WNT6: variants seen among roughly 807,000 people sequenced by gnomAD.
The protein encoded by WNT6 is Wnt family member 6.
WNT6 carries 27 observed loss-of-function variants against 33.1 expected under a neutral mutation model. The ratio of observed to expected loss-of-function variants is 0.82; its 90% CI spans 0.60 to 1.12. The LOEUF is 1.12. Among genes scored for constraint, WNT6 ranks in the 50% most tolerant of loss-of-function variants. WNT6 has a pLI of 0.00. For synonymous variants in WNT6, 249 were observed against 242.8 expected (o/e 1.03, Z -0.24); for missense variants, 494 against 535.3 (o/e 0.92, Z 0.76).
chr2:218,864,263 C>T (rs1944334606), intron 1 of WNT6, among the ~76,000 whole-genome samples: 1 of 151,852 alleles, frequency 6.6e-6, no homozygotes, highest in Non-Finnish European at 1.5e-5. Context: ...CTTTTCTTTT[C>T]TTTTTTTCCT....
rs769884850 is a variant in WNT6 at position 218,871,522 on chromosome 2, G to A, written c.339G>A (p.Ala113=). The A allele has an allele frequency of 1.3e-6, 2 of 1,597,388 alleles. No individual in the cohort carries two copies. The highest frequency in any genetic ancestry group is 1.3e-5 in the African/African-American group (1 of 74,852). ...RETAFVFAIT[A]AGASHAVTQA... The stretch of plus-strand genomic sequence containing the variant: ...CGGCCTTCGTGTTCGCCATCACTGC[G>A]GCCGGCGCCAGCCACGCCGTCACGC... Residue 113 remains alanine (A), a synonymous_variant, in exon 3 of 4, where the codon GCG becomes GCA. Transcript: ENST00000233948. The surrounding 1 kb of genome is among the most constrained non-coding windows in gnomAD (Gnocchi z 6.4).
intron 1 of WNT6, among the ~76,000 whole-genome samples, chr2:218,865,408 C>T (rs1944346510): frequency 2.0e-5 from 3 of 152,248 alleles, no homozygotes; most frequent in Admixed American, 2.0e-4. Context: ...GAGGCTTCTC[C>T]ACCTTGGCCT....
At chr2:218,865,604 G>C (rs1432986445) in intron 1 of WNT6, among the ~76,000 whole-genome samples, 1 of 152,202 alleles carries the variant, frequency 6.6e-6, no homozygotes, top group African/African-American at 2.4e-5. Context: ...GCCAGACTGA[G>C]AGTCCACCTC....
At chr2:218,861,904 C>T (rs982881753) in intron 1 of WNT6, among the ~76,000 whole-genome samples, 7 of 152,222 alleles carry the variant, frequency 4.6e-5, no homozygotes, top group Non-Finnish European at 8.8e-5. Flanking sequence ...TCTCTCTTCC[C>T]TGCTCCTGGA....
At position 218,871,510 on chromosome 2, in the gene WNT6, C is replaced by T. The variant is rs148293681; in HGVS notation, c.327C>T (p.Phe109=). ...QQDIRETAFV[F]AITAAGASHA... The stretch of plus-strand genomic sequence containing the variant: ...ACATTCGGGAGACGGCCTTCGTGTT[C>T]GCCATCACTGCGGCCGGCGCCAGCC... Residue 109 remains phenylalanine, a synonymous_variant, in exon 3 of 4, where the codon TTC becomes TTT. Transcript: ENST00000233948. The surrounding 1 kb of genome is among the most constrained non-coding windows in gnomAD (Gnocchi z 6.4). 113 of 1,597,762 alleles carry T rather than the reference C, an allele frequency of 7.1e-5. No individual in the cohort carries two copies. Among genetic ancestry groups the T allele is most frequent in the East Asian group, 5.8e-4 (26 of 44,794 alleles).
intron 1 of WNT6, among the ~76,000 whole-genome samples, chr2:218,865,119 C>A (rs888455664): frequency 1.3e-5 from 2 of 152,200 alleles, no homozygotes; most frequent in Non-Finnish European, 2.9e-5. Flanking sequence ...CATCAGAAGC[C>A]AGGAGTTGGT....
chr2:218,870,311 A>G (rs1944389705), intron 1 of WNT6, among the ~76,000 whole-genome samples: 1 of 151,978 alleles, frequency 6.6e-6, no homozygotes, highest in African/African-American at 2.4e-5. Flanking sequence ...TGCTTCAGAG[A>G]CCTGGCCCCC....
At chr2:218,866,515 G>A (rs1251605022) in intron 1 of WNT6, among the ~76,000 whole-genome samples, 2 of 152,174 alleles carry the variant, frequency 1.3e-5, no homozygotes, top group East Asian at 3.8e-4. Flanking sequence ...GTCCTGAACT[G>A]GGCAGGCTCA....
chr2:218,866,784 G>A (rs753995489), intron 1 of WNT6, among the ~76,000 whole-genome samples: 7 of 152,340 alleles, frequency 4.6e-5, no homozygotes, highest in Non-Finnish European at 7.3e-5. Flanking sequence ...ACTCAAGTCT[G>A]GTGGATCCCA....
rs1389072415 is a variant in WNT6, at chr2:218,873,078, C to G, written c.637-306C>G. Among the ~76,000 whole-genome samples the G allele has an allele frequency of 6.6e-6, 1 of 152,108 alleles. No homozygotes were observed. The highest frequency in any genetic ancestry group is 2.4e-5 in the African/African-American group (1 of 41,398). On this transcript the variant is annotated intron_variant, in intron 3 of 3. Transcript: ENST00000233948. This position sits in a 1 kb window ranked among gnomAD's most constrained non-coding sequence, Gnocchi z 6.1. ...CCCCTCCTCCAAAGAGAATCTCACC[C>G]CTGCTGTCCATTCTGCTTTCTCCCC... is the stretch of plus-strand genomic sequence containing the variant.
rs2106003995 is a variant in WNT6 at position 218,867,564 on chromosome 2, A to G, written c.81-3463A>G. ...CATTGCCTTGTCCCTTCTTGTCCGCATACTGATTTCTTTTAGGGCTAGCCT... is the reference window on the plus strand; with the variant it reads ...CATTGCCTTGTCCCTTCTTGTCCGCGTACTGATTTCTTTTAGGGCTAGCCT... On this transcript the variant is annotated intron_variant, in intron 1 of 3. Transcript: ENST00000233948. The surrounding 1 kb of genome is among the most constrained non-coding windows in gnomAD (Gnocchi z 4.9). 6.6e-6 allele frequency among the ~76,000 whole-genome samples: 1 copy of G among 152,288 alleles called. No homozygotes were observed. Among genetic ancestry groups the G allele is most frequent in the East Asian group, 1.9e-4 (1 of 5,178 alleles).
chr2:218,873,426 CT>C lies in WNT6; in HGVS notation c.680del (p.Leu227ArgfsTer123). The C allele has an allele frequency of 6.5e-7, 1 of 1,537,878 alleles. No homozygotes were observed. The highest frequency in any genetic ancestry group is 8.7e-7 in the Non-Finnish European group (1 of 1,146,642). On this transcript the variant is annotated frameshift_variant, in exon 4 of 4. Transcript: ENST00000233948. LOFTEE classifies it high-confidence loss of function. This position sits in a 1 kb window ranked among gnomAD's most constrained non-coding sequence, Gnocchi z 6.1. ...GCGCACCGAGTGCAAATGCCACGGG[CT>C]GTCGGGATCATGCGCGCTGCGCACC... ...HTRTECKCHG[L>X]SGSCALRTCW...
Position 218,860,056 on chromosome 2 carries a change from T to C in WNT6, c.19T>C (p.Ser7Pro). The C allele has an allele frequency of 1.3e-6, 2 of 1,518,452 alleles. No individual in the cohort carries two copies. Among genetic ancestry groups the C allele is most frequent in the African/African-American group, 1.4e-5 (1 of 71,136 alleles). 94.1% of individuals were successfully genotyped at this position (1,518,452 alleles called of 1,614,324 possible). The change falls in exon 1 of 4, where the codon TCC becomes CCC. Residue 7 changes from serine to proline, a missense_variant. By Grantham distance (74) the Ser-to-Pro change is moderately conservative. Coordinates refer to ENST00000233948, the MANE Select transcript of WNT6 (RefSeq NM_006522.4). The part of the protein sequence containing the change: MLPPLP[S>P]RLGLLLLLLL... ...GGTCACGATGCTGCCGCCCTTACCC[T>C]CCCGCCTCGGGCTGCTGCTGCTGCT...
At chr2:218,861,739 G>GT (rs1045322124) in intron 1 of WNT6, among the ~76,000 whole-genome samples, 2 of 152,064 alleles carry the variant, frequency 1.3e-5, no homozygotes, top group African/African-American at 2.4e-5. Flanking sequence ...CTCCCCCTCT[G>GT]TCTAAATCAT....
chr2:218,870,976 C>G (rs1944394330), intron 1 of WNT6, 51 bp from the exon 2 acceptor site: 1 of 1,518,194 alleles, frequency 6.6e-7, no homozygotes, highest in East Asian at 2.3e-5. Context: ...CCCTTCCACC[C>G]CAAGCCCTTT....
chr2:218,868,516 G>C (rs771926000), intron 1 of WNT6, among the ~76,000 whole-genome samples: 2 of 152,112 alleles, frequency 1.3e-5, no homozygotes, highest in Admixed American at 6.5e-5. Context: ...AGCTTGCAGA[G>C]CCCCCGACTC....
Position 218,873,374 on chromosome 2 carries a change from C to A in WNT6, c.637-10C>A. On this transcript the variant is annotated splice_polypyrimidine_tract_variant and intron_variant, in intron 3 of 3. Coordinates refer to ENST00000233948, the MANE Select transcript of WNT6 (RefSeq NM_006522.4). The surrounding 1 kb of genome is among the most constrained non-coding windows in gnomAD (Gnocchi z 6.1). ...CTGTCCACATGCGTCCGCCCCTCTGCCTCCCGCAGGCCGTGCGGAGCCACA... is the reference window on the plus strand; with the variant it reads ...CTGTCCACATGCGTCCGCCCCTCTGACTCCCGCAGGCCGTGCGGAGCCACA... 2 of 1,532,320 alleles carry A rather than the reference C, an allele frequency of 1.3e-6. No homozygotes were observed. The highest frequency in any genetic ancestry group is 1.7e-6 in the Non-Finnish European group (2 of 1,144,794). 94.9% of individuals were successfully genotyped at this position (1,532,320 alleles called of 1,614,324 possible). A position where few individuals can be genotyped will look rare whatever the true frequency, so the allele number is the denominator to read the frequency against.
At chr2:218,864,903 G>A (rs1348057103) in intron 1 of WNT6, among the ~76,000 whole-genome samples, 1 of 152,228 alleles carries the variant, frequency 6.6e-6, no homozygotes, top group Non-Finnish European at 1.5e-5. Context: ...GGTGGGGTGT[G>A]AAAGGGGGTG....
rs763311817 is a variant in WNT6, at chr2:218,860,064, C to T, written c.27C>T (p.Leu9=). MLPPLPSR[L]GLLLLLLLCP... ...TGCTGCCGCCCTTACCCTCCCGCCT[C>T]GGGCTGCTGCTGCTGCTGCTCCTGT... is the stretch of plus-strand genomic sequence containing the variant. The change falls in exon 1 of 4, where the codon CTC becomes CTT. Residue 9 remains leucine (L), a synonymous_variant. Transcript: ENST00000233948. The T allele has an allele frequency of 2.6e-5, 39 of 1,522,116 alleles. No homozygotes were observed. The highest frequency in any genetic ancestry group is 3.2e-5 in the Non-Finnish European group (36 of 1,140,422). The allele number at this position is 1,522,116 out of a possible 1,614,324, so 94.3% of individuals were successfully genotyped here.
Sources: gnomAD v4.1 joint callset for allele counts (sites outside exome capture counted in the v4.1 genomes callset) on GRCh38, gnomAD v4.1.1 for gene constraint, Gnocchi (gnomAD v3.1) non-coding constraint, MANE v1.5 for transcripts, NCBI Gene and HGNC (gene_info 2026-07-23, HGNC 2026-07-21) for gene names.